The following DLC1 variants were observed in gnomAD, a reference collection of about 807,000 sequenced individuals.
DLC1 encodes the protein DLC1 Rho GTPase activating protein.
A neutral mutation model predicts 140.3 loss-of-function variants in DLC1; 54 were observed. The observed-to-expected ratio is 0.38, with a 90% CI of 0.31 to 0.48. The LOEUF (loss-of-function observed/expected upper bound fraction) is 0.48, where lower values mean the gene tolerates loss of function less well. Ranked by LOEUF, DLC1 falls within the 20% of genes least tolerant of loss-of-function variation. The pLI is 0.96. For synonymous variants in DLC1, 986 were observed against 728.1 expected, an observed-to-expected ratio of 1.35 and a Z score of -5.70; for missense variants, 2,536 against 1,907.0, an observed-to-expected ratio of 1.33 and a Z score of -6.14.
At chr8:13,111,306 C>G (rs1330063753) in intron 6 of DLC1, among the ~76,000 whole-genome samples, 2 of 152,260 alleles carry the variant, frequency 1.3e-5, no homozygotes, top group South Asian at 2.1e-4. Flanking sequence ...ATGTAATCCA[C>G]TCACATGGCA....
At chr8:13,104,081 C>T (rs1002103796) in intron 7 of DLC1, among the ~76,000 whole-genome samples, 1 of 151,970 alleles carries the variant, frequency 6.6e-6, no homozygotes, top group Non-Finnish European at 1.5e-5. Context: ...GAAATTGAAG[C>T]CCTCTTTAAT....
chr8:13,149,609 G>A (rs1362227591), intron 5 of DLC1, among the ~76,000 whole-genome samples: 1 of 152,052 alleles, frequency 6.6e-6, no homozygotes, highest in African/African-American at 2.4e-5. Context: ...CACTCTTCCT[G>A]CCCAAGCATG....
At chr8:13,592,852 C>T (rs753531541) in intron 1 of DLC1, among the ~76,000 whole-genome samples, 8 of 152,070 alleles carry the variant, frequency 5.3e-5, no homozygotes, top group Admixed American at 2.6e-4. Context: ...CACATTTTGC[C>T]ATGTTAGCGT....
At chr8:13,229,958 C>T (rs1203160826) in intron 5 of DLC1, among the ~76,000 whole-genome samples, 1 of 152,202 alleles carries the variant, frequency 6.6e-6, no homozygotes, top group African/African-American at 2.4e-5. Flanking sequence ...TGTCAGACTA[C>T]TAACTAAATA....
intron 5 of DLC1, among the ~76,000 whole-genome samples, chr8:13,156,850 C>A (rs1036014868): frequency 6.6e-6 from 1 of 152,178 alleles, no homozygotes; most frequent in African/African-American, 2.4e-5. Flanking sequence ...AAAATGGAAA[C>A]CTTGTTAAAG....
intron 5 of DLC1, among the ~76,000 whole-genome samples, chr8:13,182,958 A>G (rs113127166): frequency 0.14 from 21,730 of 152,134 alleles, 1,641 homozygotes; most frequent in South Asian, 0.18. Context: ...TGAGCATGGA[A>G]TATTCTTCCA....
At chr8:13,093,670 C>G (rs1818272241) in intron 12 of DLC1, among the ~76,000 whole-genome samples, 1 of 152,118 alleles carries the variant, frequency 6.6e-6, no homozygotes, top group South Asian at 2.1e-4. Context: ...CAGCACATAA[C>G]AAATACCTCG....
intron 5 of DLC1, among the ~76,000 whole-genome samples, chr8:13,175,667 A>G (rs1387087841): frequency 6.6e-6 from 1 of 152,210 alleles, no homozygotes; most frequent in East Asian, 1.9e-4. Flanking sequence ...GACTGGCATA[A>G]TACAATTAAC....
At chr8:13,157,722 T>G (rs916580703) in intron 5 of DLC1, among the ~76,000 whole-genome samples, 1 of 152,210 alleles carries the variant, frequency 6.6e-6, no homozygotes, top group African/African-American at 2.4e-5. Flanking sequence ...ATAATTAAAT[T>G]CTATCTGAAT....
chr8:13,115,950 T>A (rs1820523597), intron 5 of DLC1, among the ~76,000 whole-genome samples: 2 of 152,206 alleles, frequency 1.3e-5, no homozygotes, highest in South Asian at 2.1e-4. Context: ...TACAAACGGT[T>A]ATGAAAATAA....
chr8:13,390,378 T>C (rs984590873), intron 4 of DLC1, among the ~76,000 whole-genome samples: 2 of 152,198 alleles, frequency 1.3e-5, no homozygotes, highest in Admixed American at 6.6e-5. Flanking sequence ...TGATGGGCAT[T>C]CGGGTTGGTT....
intron 4 of DLC1, among the ~76,000 whole-genome samples, chr8:13,331,125 C>A (rs944105200): frequency 6.6e-6 from 1 of 152,172 alleles, no homozygotes; most frequent in Non-Finnish European, 1.5e-5. Context: ...TTATTGCAGC[C>A]TTCTAGTAAA....
At chr8:13,365,271 C>G (rs146722051) in intron 4 of DLC1, among the ~76,000 whole-genome samples, 4 of 152,068 alleles carry the variant, frequency 2.6e-5, no homozygotes, top group Non-Finnish European at 4.4e-5. Flanking sequence ...CAAAAGCATG[C>G]TAGGCTATTG....
chr8:13,099,659 T>G lies in DLC1; in HGVS notation c.2678A>C (p.Asp893Ala). The change falls in exon 9 of 18, where the codon GAC (aspartate) becomes GCC (alanine). Residue 893 changes from aspartate (D) to alanine (A), a missense_variant. By Grantham distance (126) the Asp-to-Ala change is moderately radical. Coordinates refer to ENST00000276297, the MANE Select transcript of DLC1 (RefSeq NM_182643.3). ...PGSILYSSSG[D>A]LADLENEDIF... ...GTCCTCGTTCTCCAGATCCGCCAGG[T>G]CCCCTGAACTGGAGTAGAGGATGGA... is the stretch of plus-strand genomic sequence containing the variant. 6.2e-7 allele frequency: 1 copy of G among 1,614,116 alleles called. No individual in the cohort carries two copies. The highest frequency in any genetic ancestry group is 2.2e-5 in the East Asian group (1 of 44,870).
At chr8:13,251,706 A>T (rs1042539593) in intron 5 of DLC1, among the ~76,000 whole-genome samples, 3 of 152,130 alleles carry the variant, frequency 2.0e-5, no homozygotes, top group Admixed American at 6.5e-5. Context: ...AAATCATGAG[A>T]TCTAAATTCT....
intron 5 of DLC1, among the ~76,000 whole-genome samples, chr8:13,277,804 T>C (rs1831229364): frequency 6.6e-6 from 1 of 152,216 alleles, no homozygotes; most frequent in South Asian, 2.1e-4. Context: ...CAAGATGAGA[T>C]AATGTTGTAA....
intron 1 of DLC1, among the ~76,000 whole-genome samples, chr8:13,556,715 G>T (rs1804058726): frequency 6.6e-6 from 1 of 152,184 alleles, no homozygotes; most frequent in African/African-American, 2.4e-5. Context: ...CTGGTCAATT[G>T]CTTTAAGGAC....
chr8:13,150,767 A>C (rs1447110706), intron 5 of DLC1, among the ~76,000 whole-genome samples: 1 of 152,246 alleles, frequency 6.6e-6, no homozygotes, highest in Non-Finnish European at 1.5e-5. Flanking sequence ...TTCAAGCATA[A>C]AATCTCACTG....
At chr8:13,155,033 C>A (rs1172837804) in intron 5 of DLC1, among the ~76,000 whole-genome samples, 1 of 152,010 alleles carries the variant, frequency 6.6e-6, no homozygotes, top group Non-Finnish European at 1.5e-5. Flanking sequence ...CAATTACTGT[C>A]ATATCCTAGG....
Sources: gnomAD v4.1 joint callset for allele counts (sites outside exome capture counted in the v4.1 genomes callset) on GRCh38, gnomAD v4.1.1 for gene constraint, MANE v1.5 for transcripts, NCBI Gene and HGNC (gene_info 2026-07-23, HGNC 2026-07-21) for gene names.